The following CHCHD6 variants were observed in gnomAD, a reference collection of about 807,000 sequenced individuals.
The protein encoded by CHCHD6 is MICOS complex subunit MIC25.
A neutral mutation model predicts 32.3 loss-of-function variants in CHCHD6; 28 were observed. The observed-to-expected ratio is 0.87, with a 90% CI of 0.64 to 1.19. The LOEUF is 1.19. Ranked by LOEUF, CHCHD6 falls within the 50% of genes most tolerant of loss-of-function variation. The probability of loss-of-function intolerance (pLI) is 0.00; values close to 1 mark genes in which losing one functional copy is unlikely to be tolerated. For synonymous variants in CHCHD6, 122 were observed against 117.5 expected, an observed-to-expected ratio of 1.04 and a Z score of -0.25; for missense variants, 333 against 307.0, an observed-to-expected ratio of 1.08 and a Z score of -0.63.
chr3:126,718,080 G>A (rs1935106188), intron 1 of CHCHD6, among the ~76,000 whole-genome samples: 1 of 152,192 alleles, frequency 6.6e-6, no homozygotes, highest in African/African-American at 2.4e-5. Context: ...GCCACAGGAT[G>A]TCAGAGCTGG....
At position 126,900,666 on chromosome 3, in the gene CHCHD6, G is replaced by A. The variant is rs566425444; in HGVS notation, c.496-14014G>A. On this transcript the variant is annotated intron_variant, in intron 5 of 7. Transcript: ENST00000290913. Reference sequence around the variant, plus strand: ...GTTGCCCAGGCTGGAGTGCAATGGCGCTATCTCAGCTCACTGCAACCTCCG... The same window carrying A: ...GTTGCCCAGGCTGGAGTGCAATGGCACTATCTCAGCTCACTGCAACCTCCG... Among the ~76,000 whole-genome samples the A allele has an allele frequency of 7.4e-5, 11 of 147,886 alleles. No homozygotes were observed. In the East Asian group the frequency reaches 1.0e-3, roughly 14 times the overall value.
At chr3:126,808,995 A>G (rs1043704849) in intron 4 of CHCHD6, among the ~76,000 whole-genome samples, 4 of 151,322 alleles carry the variant, frequency 2.6e-5, no homozygotes, top group African/African-American at 9.7e-5. Context: ...TTTTTGAGAC[A>G]GAGTCTTGCT....
intron 4 of CHCHD6, chr3:126,780,328 A>AT (rs1369426314): frequency 4.7e-6 from 2 of 429,740 alleles, no homozygotes; most frequent in Non-Finnish European, 9.3e-6. Flanking sequence ...TTGTGGTTTT[A>AT]TTTTTGAACA....
intron 5 of CHCHD6, among the ~76,000 whole-genome samples, chr3:126,905,984 A>G (rs1011349092): frequency 1.3e-5 from 2 of 152,042 alleles, no homozygotes; most frequent in Non-Finnish European, 2.9e-5. Flanking sequence ...GGAAAGAGGA[A>G]ATATGAGTGG....
At chr3:126,829,688 A>T (rs938118544) in intron 4 of CHCHD6, among the ~76,000 whole-genome samples, 1 of 152,084 alleles carries the variant, frequency 6.6e-6, no homozygotes, top group African/African-American at 2.4e-5. Flanking sequence ...TCTCTCTATC[A>T]TGTGACGACA....
At chr3:126,941,243 T>C (rs2078554476) in intron 6 of CHCHD6, among the ~76,000 whole-genome samples, 1 of 152,246 alleles carries the variant, frequency 6.6e-6, no homozygotes. Context: ...GCTTTCATTT[T>C]ATTTTTTCCA....
chr3:126,843,329 C>T (rs1032577324), intron 4 of CHCHD6, among the ~76,000 whole-genome samples: 3 of 152,110 alleles, frequency 2.0e-5, no homozygotes, highest in Non-Finnish European at 4.4e-5. Context: ...AGGATTTTTA[C>T]ATCTCTTTTC....
intron 4 of CHCHD6, among the ~76,000 whole-genome samples, chr3:126,804,131 C>A (rs1576436631): frequency 6.6e-6 from 1 of 151,962 alleles, no homozygotes. Flanking sequence ...AAAATTGACA[C>A]CCTAACCTCA....
At chr3:126,953,480 A>G (rs1446253857) in intron 6 of CHCHD6, among the ~76,000 whole-genome samples, 4 of 152,220 alleles carry the variant, frequency 2.6e-5, no homozygotes, top group Non-Finnish European at 4.4e-5. Flanking sequence ...AAGTGCCTCC[A>G]GTAACCCAGC....
chr3:126,856,625 G>C (rs1230285326), intron 5 of CHCHD6, among the ~76,000 whole-genome samples: 1 of 152,208 alleles, frequency 6.6e-6, no homozygotes, highest in South Asian at 2.1e-4. Flanking sequence ...ACCATGCCTG[G>C]ATTCAGGTAT....
intron 1 of CHCHD6, among the ~76,000 whole-genome samples, chr3:126,712,692 C>A (rs535052252): frequency 1.7e-3 from 265 of 152,312 alleles, no homozygotes; most frequent in Non-Finnish European, 3.2e-3. Flanking sequence ...GAGCTTCTGA[C>A]CGTTTCTGAG....
rs375130747 is a variant in CHCHD6 at position 126,778,551 on chromosome 3, TTATA to T, written c.411+45333_411+45336del. ...ATCTTTTCATGTGCTTATTGGCTAT[TTATA>T]TATCTTTTTTGGAGAAATGTCTATT... On this transcript the variant is annotated intron_variant, in intron 4 of 7. Coordinates refer to ENST00000290913, the MANE Select transcript of CHCHD6 (RefSeq NM_032343.3). Among the ~76,000 whole-genome samples the T allele has an allele frequency of 6.2e-3, 944 of 152,330 alleles. 8 individuals are homozygous for T. Among genetic ancestry groups the T allele is most frequent in the African/African-American group, 0.021 (890 of 41,570 alleles).
chr3:126,877,273 C>T (rs1172958879), intron 5 of CHCHD6, among the ~76,000 whole-genome samples: 5 of 152,124 alleles, frequency 3.3e-5, no homozygotes, highest in Middle Eastern at 3.4e-3. Flanking sequence ...ATTAAGTCAA[C>T]GGCCGGGCGT....
chr3:126,821,277 G>A lies in CHCHD6; in HGVS notation c.412-31370G>A, dbSNP rs915086828. 2.6e-5 allele frequency among the ~76,000 whole-genome samples: 4 copies of A among 152,232 alleles called. No individual in the cohort carries two copies. The Middle Eastern group carries it at 0.014, about 518-fold the overall frequency. ...AGAACATTTAAAATGAGTTTTAGTT[G>A]GACATATATTTTTAATTCCCTTGCA... is the stretch of plus-strand genomic sequence containing the variant. On this transcript the variant is annotated intron_variant, in intron 4 of 7. Coordinates refer to ENST00000290913, the MANE Select transcript of CHCHD6 (RefSeq NM_032343.3).
At chr3:126,919,967 T>C (rs2078223250) in intron 6 of CHCHD6, among the ~76,000 whole-genome samples, 1 of 152,104 alleles carries the variant, frequency 6.6e-6, no homozygotes, top group Non-Finnish European at 1.5e-5. Flanking sequence ...TCTCTTCAAA[T>C]AACACTCTCC....
chr3:126,843,447 T>C (rs533171738), intron 4 of CHCHD6, among the ~76,000 whole-genome samples: 5 of 152,326 alleles, frequency 3.3e-5, no homozygotes, highest in Admixed American at 1.3e-4. Flanking sequence ...TATGATTTCT[T>C]CCTTAAATAT....
chr3:126,908,916 T>C (rs1477317685), intron 5 of CHCHD6, among the ~76,000 whole-genome samples: 2 of 152,260 alleles, frequency 1.3e-5, no homozygotes, highest in Non-Finnish European at 2.9e-5. Flanking sequence ...TGCCTGTGGT[T>C]ACACACCCGG....
chr3:126,857,847 A>G (rs1941713381), intron 5 of CHCHD6, among the ~76,000 whole-genome samples: 2 of 152,224 alleles, frequency 1.3e-5, no homozygotes, highest in South Asian at 2.1e-4. Context: ...CTGAGACACC[A>G]TTGGTGGAGT....
At chr3:126,712,254 G>GA (rs1934782966) in intron 1 of CHCHD6, among the ~76,000 whole-genome samples, 1 of 152,106 alleles carries the variant, frequency 6.6e-6, no homozygotes, top group African/African-American at 2.4e-5. Context: ...CACTCTCAAG[G>GA]GTTTAGTTGA....
Sources: allele counts gnomAD v4.1 joint callset (sites outside exome capture counted in the v4.1 genomes callset), GRCh38; gene constraint gnomAD v4.1.1; transcripts MANE v1.5; gene names NCBI Gene and HGNC (gene_info 2026-07-23, HGNC 2026-07-21).